The following PAX2 variants were observed in gnomAD, a reference collection of about 807,000 sequenced individuals.
PAX2 encodes paired box 2.
Under a neutral mutation model 41.7 loss-of-function variants are expected in PAX2, and 9 were observed. That is an observed-to-expected ratio of 0.22 (90% CI 0.13 to 0.38). The LOEUF (loss-of-function observed/expected upper bound fraction) is 0.38, where lower values mean the gene tolerates loss of function less well. Ranked by LOEUF, PAX2 falls within the 10% of genes least tolerant of loss-of-function variation. The pLI is 1.00. For synonymous variants in PAX2, 221 were observed against 212.7 expected (o/e 1.04, Z -0.34); for missense variants, 418 against 531.6 (o/e 0.79, Z 2.10).
chr10:100,752,438 C>T (rs1028618298), intron 3 of PAX2, among the ~76,000 whole-genome samples: 4 of 152,070 alleles, frequency 2.6e-5, no homozygotes, highest in African/African-American at 7.3e-5. Flanking sequence ...AGTGGCACTT[C>T]GGGAGGGGAA....
chr10:100,812,537 C>T (rs2133962760), intron 7 of PAX2, among the ~76,000 whole-genome samples: 1 of 152,328 alleles, frequency 6.6e-6, no homozygotes, highest in Non-Finnish European at 1.5e-5. Context: ...TGCCATCCAC[C>T]TCTCAGTAGT....
rs1326964721 is a variant in PAX2 at position 100,745,819 on chromosome 10, G to A, written c.-442G>A. The A allele has an allele frequency of 1.8e-6, 2 of 1,097,330 alleles. No individual in the cohort carries two copies. The highest frequency in any genetic ancestry group is 1.1e-6 in the Non-Finnish European group (1 of 901,604). The allele number at this position is 1,097,330 out of a possible 1,614,324, so 68.0% of individuals were successfully genotyped here. A position where few individuals can be genotyped will look rare whatever the true frequency, so the allele number is the denominator to read the frequency against. On this transcript the variant is annotated 5_prime_UTR_variant, in exon 1 of 10. Coordinates refer to ENST00000355243, the MANE Select transcript of PAX2 (RefSeq NM_000278.5). Reference sequence around the variant, plus strand: ...ACTCGCCAGCACTTGGAGAGGCCCGGCTCCCCTCCCGGCGCCCTCTGACCG... The same window carrying A: ...ACTCGCCAGCACTTGGAGAGGCCCGACTCCCCTCCCGGCGCCCTCTGACCG...
chr10:100,744,197 C>G (rs6584396), upstream of PAX2, among the ~76,000 whole-genome samples: 121,582 of 152,266 alleles, frequency 0.8, 48,782 homozygotes, highest in East Asian at 1. Flanking sequence ...GCGAGTCCGC[C>G]GCGCTTCCGC....
chr10:100,819,848 C>T (rs1848322606), intron 7 of PAX2, among the ~76,000 whole-genome samples: 1 of 152,330 alleles, frequency 6.6e-6, no homozygotes, highest in East Asian at 1.9e-4. Context: ...AGGGGAGCTG[C>T]ACTTAGATTC....
intron 3 of PAX2, among the ~76,000 whole-genome samples, chr10:100,766,804 T>A (rs1424716337): frequency 1.3e-5 from 2 of 151,920 alleles, no homozygotes; most frequent in African/African-American, 4.8e-5. Context: ...ATTAAAGCAA[T>A]TACCGAATCA....
intron 5 of PAX2, among the ~76,000 whole-genome samples, chr10:100,799,013 T>C (rs905443305): frequency 6.6e-6 from 1 of 152,224 alleles, no homozygotes; most frequent in African/African-American, 2.4e-5. Context: ...AGGAGAACAA[T>C]TGAGTTTGAA....
intron 5 of PAX2, among the ~76,000 whole-genome samples, chr10:100,787,740 G>A (rs1248980333): frequency 1.3e-5 from 2 of 152,010 alleles, no homozygotes; most frequent in Non-Finnish European, 2.9e-5. Flanking sequence ...TCATGTGATC[G>A]GGCACTGGCT....
upstream of PAX2, among the ~76,000 whole-genome samples, chr10:100,740,813 T>C (rs1207089001): frequency 6.6e-6 from 1 of 152,236 alleles, no homozygotes; most frequent in African/African-American, 2.4e-5. Flanking sequence ...CGGTACAGGC[T>C]GTGTCCAGGT....
At chr10:100,741,272 A>G (rs1365460792), upstream of PAX2, among the ~76,000 whole-genome samples, 1 of 151,948 alleles carries the variant, frequency 6.6e-6, no homozygotes, top group Non-Finnish European at 1.5e-5. Flanking sequence ...GAGTGAGAGC[A>G]GGAGGGAGGG....
At chr10:100,735,841 T>G in intron 1 of PAX2, 6 of 729,360 alleles carry the variant, frequency 8.2e-6, no homozygotes, top group Non-Finnish European at 1.0e-5. Flanking sequence ...CTGTGCTCAG[T>G]ACCCGGCGGG....
intron 5 of PAX2, among the ~76,000 whole-genome samples, chr10:100,790,422 C>T (rs1402322569): frequency 3.9e-5 from 6 of 152,164 alleles, no homozygotes; most frequent in Non-Finnish European, 8.8e-5. Flanking sequence ...TTTCACTTGG[C>T]AACTACCTTC....
rs574410104 is a variant in PAX2, at chr10:100,798,932, GA to G, written c.617-7497del. Among the ~76,000 whole-genome samples the G allele has an allele frequency of 6.6e-5, 10 of 152,372 alleles. No homozygotes were observed. The South Asian group carries it at 1.9e-3, about 28-fold the overall frequency. The stretch of plus-strand genomic sequence containing the variant: ...CAGGCTGCCCTGAATGACAAGCGGG[GA>G]TATTGATCGCGTTCTGAACTCAGCC... On this transcript the variant is annotated intron_variant, in intron 5 of 9. Coordinates refer to ENST00000355243, the MANE Select transcript of PAX2 (RefSeq NM_000278.5).
intron 1 of PAX2, among the ~76,000 whole-genome samples, chr10:100,739,669 C>T (rs1844887038): frequency 6.6e-6 from 1 of 152,232 alleles, no homozygotes; most frequent in Non-Finnish European, 1.5e-5. Flanking sequence ...TCTCCGTTCC[C>T]TTTCGGCCGC....
chr10:100,815,729 G>A (rs1314655574), intron 7 of PAX2, among the ~76,000 whole-genome samples: 1 of 152,216 alleles, frequency 6.6e-6, no homozygotes, highest in African/African-American at 2.4e-5. Flanking sequence ...AAAAGAAGAG[G>A]CCCTAATCCA....
chr10:100,737,878 C>A (rs1317552035), intron 1 of PAX2, among the ~76,000 whole-genome samples: 3 of 152,210 alleles, frequency 2.0e-5, no homozygotes, highest in Non-Finnish European at 4.4e-5. Context: ...GCGAAGGATG[C>A]GGGTTTTACT....
In PAX2 at chr10:100,750,705, C is replaced by G; in HGVS notation, c.224C>G (p.Thr75Ser). 1 of 1,614,142 alleles carries G rather than the reference C, an allele frequency of 6.2e-7. No homozygotes were observed. Among genetic ancestry groups the G allele is most frequent in the Non-Finnish European group, 8.5e-7 (1 of 1,179,996 alleles). Reference protein sequence around the residue: ...VSKILGRYYETGSIKPGVIGG... With the variant: ...VSKILGRYYESGSIKPGVIGG... ...CTTTCCCGGCGCAGGTACTACGAGA[C>G]CGGCAGCATCAAGCCGGGTGTGATC... Residue 75 changes from threonine to serine, a missense_variant, in exon 3 of 10, where the codon ACC (threonine) becomes AGC (serine). This residue lies in a region of PAX2 where 108 missense variants were observed against 206.3 expected (regional missense o/e 0.52). Coordinates refer to ENST00000355243, the MANE Select transcript of PAX2 (RefSeq NM_000278.5). The surrounding 1 kb of genome is among the most constrained non-coding windows in gnomAD (Gnocchi z 4.1).
At chr10:100,785,445 G>A (rs1435648316) in intron 5 of PAX2, among the ~76,000 whole-genome samples, 1 of 152,180 alleles carries the variant, frequency 6.6e-6, no homozygotes, top group African/African-American at 2.4e-5. Context: ...TTCATTAGGT[G>A]TACAATGAAT....
chr10:100,761,250 G>A (rs779378461), intron 3 of PAX2, among the ~76,000 whole-genome samples: 16 of 151,984 alleles, frequency 1.1e-4, no homozygotes, highest in Non-Finnish European at 2.4e-4. Context: ...TTGGGGCTGA[G>A]CACTTAGCTC....
At chr10:100,817,575 C>G (rs1419237662) in intron 7 of PAX2, among the ~76,000 whole-genome samples, 1 of 152,126 alleles carries the variant, frequency 6.6e-6, no homozygotes, top group East Asian at 1.9e-4. Context: ...CCCTGCAGAT[C>G]TGGGTAACAT....
Sources: allele counts gnomAD v4.1 joint callset (sites outside exome capture counted in the v4.1 genomes callset), GRCh38; gene constraint gnomAD v4.1.1; regional missense constraint gnomAD v4.1.1; non-coding constraint Gnocchi (gnomAD v3.1); transcripts MANE v1.5; gene names NCBI Gene and HGNC (gene_info 2026-07-23, HGNC 2026-07-21).